Variants in DLGAP5 observed in about 807,000 individuals in gnomAD.
DLGAP5 encodes the protein DLG associated protein 5, also known as disks large-associated protein 5.
Under a neutral mutation model 99.6 loss-of-function variants are expected in DLGAP5, and 90 were observed. The ratio of observed to expected loss-of-function variants is 0.90; its 90% CI spans 0.76 to 1.08. The LOEUF (loss-of-function observed/expected upper bound fraction) is 1.08, where lower values mean the gene tolerates loss of function less well. Among genes scored for constraint, DLGAP5 ranks in the 50% least tolerant of loss-of-function variants. The pLI is 0.00. For missense variants in DLGAP5, 1,036 were observed against 983.5 expected, an observed-to-expected ratio of 1.05 and a Z score of -0.71; for synonymous variants, 311 against 321.3, an observed-to-expected ratio of 0.97 and a Z score of 0.34.
At chr14:55,151,559 TC>T in intron 17 of DLGAP5, 135 bp downstream of exon 17, 1 of 969,620 alleles carries the variant, frequency 1.0e-6, no homozygotes. Flanking sequence ...TTGTTCTAAT[TC>T]AGGGTCTTCA....
At chr14:55,168,972 C>T (rs532492549) in intron 12 of DLGAP5, among the ~76,000 whole-genome samples, 23 of 151,960 alleles carry the variant, frequency 1.5e-4, no homozygotes, top group African/African-American at 5.1e-4. Flanking sequence ...GTCAGAAGAT[C>T]GAGACCATCC....
At chr14:55,149,328 G>A (rs1481737894) in intron 18 of DLGAP5, among the ~76,000 whole-genome samples, 1 of 152,152 alleles carries the variant, frequency 6.6e-6, no homozygotes, top group Non-Finnish European at 1.5e-5. Flanking sequence ...GATCCTCTAG[G>A]TCTCAGTTTA....
intron 7 of DLGAP5, among the ~76,000 whole-genome samples, chr14:55,177,830 C>A (rs544566663): frequency 6.6e-6 from 1 of 151,900 alleles, no homozygotes; most frequent in African/African-American, 2.4e-5. Context: ...AGCCACCGCA[C>A]CCACCCCGAA....
intron 12 of DLGAP5, among the ~76,000 whole-genome samples, chr14:55,163,522 T>G (rs1882519374): frequency 6.6e-6 from 1 of 152,242 alleles, no homozygotes; most frequent in South Asian, 2.1e-4. Flanking sequence ...TATATGGACA[T>G]AAGTTTTCAA....
intron 13 of DLGAP5, among the ~76,000 whole-genome samples, chr14:55,162,385 C>T (rs932055445): frequency 1.3e-5 from 2 of 151,904 alleles, no homozygotes; most frequent in African/African-American, 2.4e-5. Context: ...TTTGGGAGGC[C>T]GAGGTGGGTG....
chr14:55,189,248 T>C, intron 1 of DLGAP5, 68 bp from the exon 2 acceptor site: 1 of 1,221,778 alleles, frequency 8.2e-7, no homozygotes. Context: ...AGATTACAGT[T>C]CATTTCCTGT....
chr14:55,150,777 C>A (rs200491148), intron 18 of DLGAP5, 22 bp downstream of exon 18: 4 of 1,540,534 alleles, frequency 2.6e-6, no homozygotes, highest in Admixed American at 4.3e-5. Context: ...TATAAAGGGA[C>A]TTGTCAAGTT....
At chr14:55,163,167 T>C in intron 12 of DLGAP5, 92 bp from the exon 13 acceptor site, 2 of 647,752 alleles carry the variant, frequency 3.1e-6, no homozygotes, top group Non-Finnish European at 4.8e-6. Context: ...TTAAAAATAG[T>C]GATTCAGAAA....
Position 55,154,829 on chromosome 14 carries a change from T to G in DLGAP5, c.1874-23A>C. ...GTCCTAGAAGATGAGAGAAATCACCTCAATACCAAATAGTTCTTTTGCTTT... is the reference window on the plus strand; with the variant it reads ...GTCCTAGAAGATGAGAGAAATCACCGCAATACCAAATAGTTCTTTTGCTTT... On this transcript the variant is annotated intron_variant, in intron 14 of 18. Transcript: ENST00000247191. The G allele has an allele frequency of 1.9e-6, 3 of 1,601,116 alleles. No individual in the cohort carries two copies. In the South Asian group the frequency reaches 3.3e-5, roughly 18 times the overall value.
intron 4 of DLGAP5, among the ~76,000 whole-genome samples, chr14:55,182,082 C>A (rs184902713): frequency 1.2e-4 from 19 of 152,282 alleles, no homozygotes; most frequent in South Asian, 4.1e-4. Flanking sequence ...TGCTTTCCTC[C>A]CCATATGCAT....
chr14:55,154,655 A>G lies in DLGAP5; in HGVS notation c.2025T>C (p.His675=), dbSNP rs780425303. ...NAGPQNTKSE[H]VKKTLFLSIP... The stretch of plus-strand genomic sequence containing the variant: ...TACTCAAAAACAAAGTCTTCTTCAC[A>G]TGTTCACTTTTCGTATTCTGAGGAC... The change falls in exon 15 of 19, where the codon CAT becomes CAC. Residue 675 remains histidine (H), a synonymous_variant. Coordinates refer to ENST00000247191, the MANE Select transcript of DLGAP5 (RefSeq NM_014750.5). The G allele has an allele frequency of 4.1e-5, 66 of 1,614,004 alleles. No homozygotes were observed. Among genetic ancestry groups the G allele is most frequent in the Middle Eastern group, 1.6e-4 (1 of 6,084 alleles).
intron 7 of DLGAP5, 138 bp from the exon 8 acceptor site, chr14:55,177,474 T>C (rs937804930): frequency 7.0e-6 from 5 of 711,640 alleles, no homozygotes; most frequent in Middle Eastern, 4.1e-4. Flanking sequence ...ACAGATACAA[T>C]TAAGTGTATA....
intron 2 of DLGAP5, among the ~76,000 whole-genome samples, chr14:55,188,514 C>T (rs1454797789): frequency 6.6e-6 from 1 of 151,966 alleles, no homozygotes; most frequent in Non-Finnish European, 1.5e-5. Flanking sequence ...ACCCAAGCTC[C>T]GTAAGAACTT....
At chr14:55,167,982 C>T (rs1214921545) in intron 12 of DLGAP5, among the ~76,000 whole-genome samples, 54 of 152,130 alleles carry the variant, frequency 3.5e-4, no homozygotes, top group Admixed American at 3.5e-3. Flanking sequence ...TTCACTTGCT[C>T]CCCAATTTTT....
At chr14:55,152,053 A>T (rs1402166063) in intron 16 of DLGAP5, 112 bp from the exon 17 acceptor site, 1 of 975,916 alleles carries the variant, frequency 1.0e-6, no homozygotes, top group Non-Finnish European at 1.5e-6. Context: ...CATCCCGGAC[A>T]CAGTCTTAAG....
chr14:55,148,214 C>T lies in DLGAP5; in HGVS notation c.*137G>A. 1 of 891,454 alleles carries T rather than the reference C, an allele frequency of 1.1e-6. No homozygotes were observed. Among genetic ancestry groups the T allele is most frequent in the Non-Finnish European group, 1.7e-6 (1 of 603,468 alleles). The allele number at this position is 891,454 out of a possible 1,614,324, so 55.2% of individuals were successfully genotyped here. ...TGAGAAAGAGTATATCTAAAATACA[C>T]TTTGATGAACACAGAATATTAAAAC... is the stretch of plus-strand genomic sequence containing the variant. On this transcript the variant is annotated 3_prime_UTR_variant, in exon 19 of 19. Transcript: ENST00000247191.
At position 55,152,618 on chromosome 14, in the gene DLGAP5, C is replaced by G. The variant is rs1882057099; in HGVS notation, c.2093G>C (p.Gly698Ala). 6.2e-7 allele frequency: 1 copy of G among 1,601,800 alleles called. No homozygotes were observed. The highest frequency in any genetic ancestry group is 8.5e-7 in the Non-Finnish European group (1 of 1,175,020). Residue 698 changes from glycine to alanine, a missense_variant, in exon 16 of 19, where the codon GGA becomes GCA. By Grantham distance (60) the Gly-to-Ala change is moderately conservative (BLOSUM62 0). Coordinates refer to ENST00000247191, the MANE Select transcript of DLGAP5 (RefSeq NM_014750.5). ...ATTTTCTTCAATTAAATCTGGTAATCCAGGACACTGAGCATCTTCTATGCT... is the reference window on the plus strand; with the variant it reads ...ATTTTCTTCAATTAAATCTGGTAATGCAGGACACTGAGCATCTTCTATGCT... ...RSSIEDAQCP[G>A]LPDLIEENHV... is the part of the protein sequence containing the mutation.
intron 8 of DLGAP5, 120 bp from the exon 9 acceptor site, chr14:55,176,138 A>G (rs984621397): frequency 1.0e-5 from 9 of 887,136 alleles, no homozygotes; most frequent in Non-Finnish European, 1.3e-5. Flanking sequence ...CTATTTTTTT[A>G]AAATGTGTAT....
At chr14:55,155,539 G>A (rs1473443677) in intron 14 of DLGAP5, among the ~76,000 whole-genome samples, 5 of 148,746 alleles carry the variant, frequency 3.4e-5, no homozygotes, top group African/African-American at 5.0e-5. Flanking sequence ...GTAGAGATGA[G>A]GTTTCACCAT....
Sources: gnomAD v4.1 joint callset for allele counts (sites outside exome capture counted in the v4.1 genomes callset) on GRCh38, gnomAD v4.1.1 for gene constraint, MANE v1.5 for transcripts, NCBI Gene and HGNC (gene_info 2026-07-23, HGNC 2026-07-21) for gene names.